Variants in TRIM23 observed in about 807,000 individuals in gnomAD.
The protein encoded by TRIM23 is tripartite motif containing 23, also known as E3 ubiquitin-protein ligase TRIM23.
Under a neutral mutation model 71.0 loss-of-function variants are expected in TRIM23, and 27 were observed. The observed-to-expected ratio is 0.38, with a 90% CI of 0.28 to 0.52. TRIM23 has a LOEUF of 0.52. Among genes scored for constraint, TRIM23 ranks in the 20% least tolerant of loss-of-function variants. TRIM23 has a pLI of 0.84. For synonymous variants in TRIM23, 234 were observed against 238.0 expected, an observed-to-expected ratio of 0.98 and a Z score of 0.16; for missense variants, 482 against 692.3, an observed-to-expected ratio of 0.70 and a Z score of 3.41.
chr5:65,596,643 C>G, intron 8 of TRIM23, 112 bp from the exon 9 acceptor site: 1 of 679,904 alleles, frequency 1.5e-6, no homozygotes, highest in Non-Finnish European at 2.5e-6. Flanking sequence ...TATCTACATG[C>G]AGCAATATCT....
chr5:65,616,980 G>A (rs1407883628), intron 2 of TRIM23, among the ~76,000 whole-genome samples: 1 of 152,108 alleles, frequency 6.6e-6, no homozygotes, highest in Non-Finnish European at 1.5e-5. Context: ...TCTTAGCCTT[G>A]CAAAGTTCTG....
chr5:65,616,069 T>A (rs529169099), intron 2 of TRIM23, among the ~76,000 whole-genome samples: 369 of 152,330 alleles, frequency 2.4e-3, no homozygotes, highest in Non-Finnish European at 3.9e-3. Context: ...TGCTTACATT[T>A]CACTGATCAA....
chr5:65,617,303 C>CTCTT (rs1270941069), intron 2 of TRIM23, among the ~76,000 whole-genome samples: 17 of 152,144 alleles, frequency 1.1e-4, no homozygotes, highest in African/African-American at 3.9e-4. Flanking sequence ...ATTATAGGTA[C>CTCTT]TCTTGCTTCC....
At chr5:65,601,463 C>T (rs1032095081) in intron 7 of TRIM23, among the ~76,000 whole-genome samples, 11 of 152,040 alleles carry the variant, frequency 7.2e-5, no homozygotes, top group Non-Finnish European at 1.3e-4. Flanking sequence ...GAAGCAAAAG[C>T]GGAAACCCCT....
intron 7 of TRIM23, among the ~76,000 whole-genome samples, chr5:65,602,450 T>A (rs1165822879): frequency 1.3e-5 from 2 of 151,980 alleles, no homozygotes; most frequent in Non-Finnish European, 2.9e-5. Flanking sequence ...ATTCAACGAG[T>A]CTCTAGGAAG....
chr5:65,597,795 T>C (rs970318288), intron 7 of TRIM23, among the ~76,000 whole-genome samples: 29 of 152,198 alleles, frequency 1.9e-4, no homozygotes, highest in African/African-American at 7.0e-4. Flanking sequence ...TTTCTGATTT[T>C]ATGATATTAC....
rs772205680 is a variant in TRIM23, at chr5:65,596,545, A to G, written c.1310-14T>C. ...CCACGTTAAAACCTGTTTTAAAAAA[A>G]AAGTTACTTTTATACTATATTTGTA... On this transcript the variant is annotated splice_polypyrimidine_tract_variant and intron_variant, in intron 8 of 10. Coordinates refer to ENST00000231524, the MANE Select transcript of TRIM23 (RefSeq NM_001656.4). The G allele has an allele frequency of 2.0e-6, 3 of 1,502,056 alleles. No individual in the cohort carries two copies. The highest frequency in any genetic ancestry group is 2.8e-6 in the Non-Finnish European group (3 of 1,085,854). 93.0% of individuals were successfully genotyped at this position (1,502,056 alleles called of 1,614,324 possible).
intron 4 of TRIM23, 38 bp downstream of exon 4, chr5:65,611,565 G>C: frequency 1.3e-6 from 2 of 1,590,884 alleles, no homozygotes; most frequent in Non-Finnish European, 1.7e-6. Context: ...TGGTAAAGTA[G>C]CTACAGTGAT....
chr5:65,601,010 G>A (rs1237422759), intron 7 of TRIM23, among the ~76,000 whole-genome samples: 1 of 152,196 alleles, frequency 6.6e-6, no homozygotes, highest in East Asian at 1.9e-4. Context: ...GTGAAAATGT[G>A]GAGAAACTGC....
chr5:65,602,447 G>A (rs541071555), intron 7 of TRIM23, among the ~76,000 whole-genome samples: 188 of 152,120 alleles, frequency 1.2e-3, no homozygotes, highest in African/African-American at 3.5e-3. Context: ...GTCATTCAAC[G>A]AGTCTCTAGG....
At position 65,591,802 on chromosome 5, in the gene TRIM23, T is replaced by C. The variant is rs1581172300; in HGVS notation, c.1692A>G (p.Gln564=). ...CATCCAATACTCCAGCAGCTACAAG[T>C]TGCCGTGAGAGCCAGTCCAACCCTT... ...LYEGLDWLSR[Q]LVAAGVLDVA Residue 564 remains glutamine (Q), a synonymous_variant, in exon 11 of 11, where the codon CAA becomes CAG. Coordinates refer to ENST00000231524, the MANE Select transcript of TRIM23 (RefSeq NM_001656.4). 2 of 1,610,938 alleles carry C rather than the reference T, an allele frequency of 1.2e-6. No individual in the cohort carries two copies. Among genetic ancestry groups the C allele is most frequent in the Non-Finnish European group, 8.5e-7 (1 of 1,177,982 alleles).
At position 65,591,410 on chromosome 5, in the gene TRIM23, C is replaced by T. The variant is rs138279461; in HGVS notation, c.*359G>A. 207 of 1,579,538 alleles carry T rather than the reference C, an allele frequency of 1.3e-4. 1 individual carries two copies. The East Asian group carries it at 4.7e-3, about 36-fold the overall frequency. On this transcript the variant is annotated 3_prime_UTR_variant, in exon 11 of 11. Transcript: ENST00000231524. The stretch of plus-strand genomic sequence containing the variant: ...GAGGTCTCATTAGGCACTCAATTGG[C>T]TATTCTTTTTTCACTGAAAGAATAA...
Position 65,591,621 on chromosome 5 carries a change from C to G in TRIM23, c.*148G>C. ...CACAAAATTTTTTTAAAGCAAAGTA[C>G]TGAATTCCCAATCCAAGATTCCTTT... On this transcript the variant is annotated 3_prime_UTR_variant, in exon 11 of 11. Transcript: ENST00000231524. 9.0e-7 allele frequency: 1 copy of G among 1,115,018 alleles called. No homozygotes were observed. Among genetic ancestry groups the G allele is most frequent in the Non-Finnish European group, 1.2e-6 (1 of 861,052 alleles). 69.1% of individuals were successfully genotyped at this position (1,115,018 alleles called of 1,614,324 possible).
intron 2 of TRIM23, among the ~76,000 whole-genome samples, chr5:65,617,198 C>T (rs997301030): frequency 2.5e-4 from 38 of 151,914 alleles, no homozygotes; most frequent in Admixed American, 2.2e-3. Flanking sequence ...TATTTATATA[C>T]ATCAAAGATC....
At chr5:65,608,222 C>T (rs1754557508) in intron 6 of TRIM23, among the ~76,000 whole-genome samples, 1 of 152,086 alleles carries the variant, frequency 6.6e-6, no homozygotes, top group African/African-American at 2.4e-5. Context: ...AGGGTGGTCT[C>T]CTCACATGAG....
In TRIM23 at chr5:65,590,470, T is replaced by C. The variant is rs1489659095; in HGVS notation, c.*1299A>G. On this transcript the variant is annotated 3_prime_UTR_variant, in exon 11 of 11. Coordinates refer to ENST00000231524, the MANE Select transcript of TRIM23 (RefSeq NM_001656.4). ...GTGCTACCAAAAAGTCACATCTTGT[T>C]ACCAGACATCACTGTCCTTACAACA... 2 of 1,273,952 alleles carry C rather than the reference T, an allele frequency of 1.6e-6. No individual in the cohort carries two copies. The highest frequency in any genetic ancestry group is 1.0e-6 in the Non-Finnish European group (1 of 1,000,456). 78.9% of individuals were successfully genotyped at this position (1,273,952 alleles called of 1,614,324 possible).
rs769416282 is a variant in TRIM23 at position 65,591,552 on chromosome 5, TATTTA to T, written c.*212_*216del. 1.4e-6 allele frequency: 2 copies of T among 1,450,134 alleles called. No individual in the cohort carries two copies. The highest frequency in any genetic ancestry group is 1.8e-6 in the Non-Finnish European group (2 of 1,086,042). The allele number at this position is 1,450,134 out of a possible 1,614,324, so 89.8% of individuals were successfully genotyped here. A position where few individuals can be genotyped will look rare whatever the true frequency, so the allele number is the denominator to read the frequency against. ...AAAGAATGTATATTCAATAAGTTTC[TATTTA>T]ATTCAATCTAATCTGCTCAATTAGA... On this transcript the variant is annotated 3_prime_UTR_variant, in exon 11 of 11. Coordinates refer to ENST00000231524, the MANE Select transcript of TRIM23 (RefSeq NM_001656.4).
At chr5:65,613,794 C>T in intron 3 of TRIM23, 1 of 1,292,426 alleles carries the variant, frequency 7.7e-7, no homozygotes, top group South Asian at 1.3e-5. Flanking sequence ...TCTACTGTTG[C>T]TTACATATCT....
Position 65,596,538 on chromosome 5 carries a change from TAAA to T in TRIM23, c.1310-10_1310-8del, listed in dbSNP as rs146970621. 2.6e-6 allele frequency: 4 copies of T among 1,536,558 alleles called. No individual in the cohort carries two copies. Among genetic ancestry groups the T allele is most frequent in the Non-Finnish European group, 2.7e-6 (3 of 1,121,358 alleles). ...ACAGTTTCCACGTTAAAACCTGTTT[TAAA>T]AAAAAAGTTACTTTTATACTATATT... On this transcript the variant is annotated splice_polypyrimidine_tract_variant and splice_region_variant and intron_variant, in intron 8 of 10. Coordinates refer to ENST00000231524, the MANE Select transcript of TRIM23 (RefSeq NM_001656.4).
Sources: allele counts gnomAD v4.1 joint callset (sites outside exome capture counted in the v4.1 genomes callset), GRCh38; gene constraint gnomAD v4.1.1; transcripts MANE v1.5; gene names NCBI Gene and HGNC (gene_info 2026-07-23, HGNC 2026-07-21).